The following SIRT7 variants were observed in gnomAD, a reference collection of about 807,000 sequenced individuals.
SIRT7 encodes sirtuin 7, also known as NAD-dependent protein deacetylase sirtuin-7.
A neutral mutation model predicts 42.8 loss-of-function variants in SIRT7; 32 were observed. That is an observed-to-expected ratio of 0.75 (90% CI 0.56 to 1.00). The LOEUF (loss-of-function observed/expected upper bound fraction) is 1.00. Among genes scored for constraint, SIRT7 ranks in the 50% least tolerant of loss-of-function variants. The probability of loss-of-function intolerance (pLI) is 0.00; values close to 1 mark genes in which losing one functional copy is unlikely to be tolerated. For missense variants in SIRT7, 553 were observed against 572.2 expected, an observed-to-expected ratio of 0.97 and a Z score of 0.34; for synonymous variants, 297 against 245.2, an observed-to-expected ratio of 1.21 and a Z score of -1.97.
At chr17:81,914,797 C>T in intron 5 of SIRT7, 95 bp from the exon 6 acceptor site, 4 of 1,001,290 alleles carry the variant, frequency 4.0e-6, no homozygotes, top group African/African-American at 1.6e-5. Flanking sequence ...TGAGCCCCGC[C>T]GATGGCTCCC....
intron 4 of SIRT7, 41 bp from the exon 5 acceptor site, chr17:81,915,553 C>G: frequency 6.2e-7 from 1 of 1,613,224 alleles, no homozygotes; most frequent in East Asian, 2.2e-5. Context: ...AGAGCTGGAG[C>G]TCAGGCCCGT....
rs750825922 is a variant in SIRT7, at chr17:81,918,161, C to T, written c.-30G>A. On this transcript the variant is annotated 5_prime_UTR_variant, in exon 1 of 10. Transcript: ENST00000328666. ...CCCCTGGAGACCTGCTCTTCCGCTT[C>T]CGCCTCACACGGCAGGCCGCGCTCA... is the stretch of plus-strand genomic sequence containing the variant. 2 of 1,532,712 alleles carry T rather than the reference C, an allele frequency of 1.3e-6. No homozygotes were observed. Among genetic ancestry groups the T allele is most frequent in the South Asian group, 2.4e-5 (2 of 83,880 alleles). 94.9% of individuals were successfully genotyped at this position (1,532,712 alleles called of 1,614,324 possible).
chr17:81,915,579 C>A (rs201014771), intron 4 of SIRT7, 32 bp downstream of exon 4: 1 of 1,613,428 alleles, frequency 6.2e-7, no homozygotes, highest in Non-Finnish European at 8.5e-7. Context: ...CGCTGCCCAG[C>A]CTATGTGGGA....
rs955429489 is a variant in SIRT7, at chr17:81,917,736, G to T, written c.232-17C>A. The T allele has an allele frequency of 3.2e-6, 5 of 1,550,698 alleles. No individual in the cohort carries two copies. The highest frequency in any genetic ancestry group is 1.4e-5 in the African/African-American group (1 of 71,088). ...GTCGCACACCTGCCAAGACGCCAGGGTGGTCACCGCCCCGGGCCGCCCCAC... is the reference window on the plus strand; with the variant it reads ...GTCGCACACCTGCCAAGACGCCAGGTTGGTCACCGCCCCGGGCCGCCCCAC... On this transcript the variant is annotated splice_polypyrimidine_tract_variant and intron_variant, in intron 2 of 9. Transcript: ENST00000328666.
rs1231575861 is a variant in SIRT7 at position 81,912,421 on chromosome 17, T to C, written c.1198A>G (p.Thr400Ala). The C allele has an allele frequency of 1.2e-6, 2 of 1,614,100 alleles. No individual in the cohort carries two copies. The highest frequency in any genetic ancestry group is 1.7e-6 in the Non-Finnish European group (2 of 1,180,020). ...CTKRTKRKKV[T>A] is the part of the protein sequence containing the mutation. The stretch of plus-strand genomic sequence containing the variant: ...GTTCTTCATCGAGCACGTGATTACG[T>C]CACTTTCTTCCTTTTTGTGCGTTTT... The change falls in exon 10 of 10, where the codon ACG (threonine) becomes GCG (alanine). Residue 400 changes from threonine to alanine, a missense_variant. Coordinates refer to ENST00000328666, the MANE Select transcript of SIRT7 (RefSeq NM_016538.3).
At chr17:81,916,640 T>C (rs1471834639) in intron 3 of SIRT7, 3 of 152,130 alleles carry the variant, frequency 2.0e-5, no homozygotes, top group African/African-American at 7.2e-5. Context: ...CTAATTTTTG[T>C]ATTTTTAGTA....
At chr17:81,915,019 G>A (rs904154802) in intron 5 of SIRT7, 1 of 503,274 alleles carries the variant, frequency 2.0e-6, no homozygotes, top group African/African-American at 1.9e-5. Context: ...CTCTGCCCCA[G>A]ATCCATGCTC....
intron 3 of SIRT7, chr17:81,916,448 T>A (rs2040799809): frequency 6.6e-6 from 1 of 151,020 alleles, no homozygotes; most frequent in African/African-American, 2.4e-5. Context: ...GTTACATAAT[T>A]ACATGACTGG....
In SIRT7 at chr17:81,914,733, G is replaced by T. The variant is rs777429246; in HGVS notation, c.481-31C>A. The T allele has an allele frequency of 3.8e-6, 6 of 1,576,852 alleles. No homozygotes were observed. In the South Asian group the frequency reaches 6.6e-5, roughly 17 times the overall value. On this transcript the variant is annotated intron_variant, in intron 5 of 9. Transcript: ENST00000328666. ...AGGCAGAACGGGTGGCAAGGGGAGG[G>T]ATGGCTGCCAGTGGTGGTGGGGAGG...
Position 81,914,082 on chromosome 17 carries a change from G to C in SIRT7, c.897+5C>G, listed in dbSNP as rs779610778. On this transcript the variant is annotated splice_donor_5th_base_variant and intron_variant, in intron 8 of 9. Transcript: ENST00000328666. ...TAAGGACGTGGCTCTCAGCACCCGA[G>C]TTACCTGCAGGTTCACGATGTAAAG... The C allele has an allele frequency of 3.1e-6, 5 of 1,613,294 alleles. No individual in the cohort carries two copies. The highest frequency in any genetic ancestry group is 3.4e-6 in the Non-Finnish European group (4 of 1,180,018).
intron 5 of SIRT7, 31 bp downstream of exon 5, chr17:81,915,409 G>A (rs1326220243): frequency 1.2e-6 from 2 of 1,602,954 alleles, no homozygotes; most frequent in Non-Finnish European, 1.7e-6. Flanking sequence ...CCTGGTCCCT[G>A]GCAAGTGTAC....
Position 81,912,569 on chromosome 17 carries a change from A to G in SIRT7, c.1050T>C (p.Gly350=). 1.2e-6 allele frequency: 2 copies of G among 1,613,610 alleles called. No homozygotes were observed. Among genetic ancestry groups the G allele is most frequent in the Non-Finnish European group, 1.7e-6 (2 of 1,180,002 alleles). The change falls in exon 10 of 10, where the codon GGT becomes GGC. Residue 350 remains glycine, a synonymous_variant. Coordinates refer to ENST00000328666, the MANE Select transcript of SIRT7 (RefSeq NM_016538.3). Reference sequence around the variant, plus strand: ...ACTTCCGACTGTGGCTGCCTTCTTCACCAGCACGCAGGGGAGTCGCCAGTG... The same window carrying G: ...ACTTCCGACTGTGGCTGCCTTCTTCGCCAGCACGCAGGGGAGTCGCCAGTG... The part of the protein sequence containing the change: ...IFSLATPLRA[G]EEGSHSRKSL...
intron 3 of SIRT7, 103 bp from the exon 4 acceptor site, chr17:81,915,784 G>A: frequency 7.6e-7 from 1 of 1,311,562 alleles, no homozygotes; most frequent in Non-Finnish European, 1.1e-6. Context: ...CCGCATTCCG[G>A]GCTGGCCTGC....
chr17:81,913,772 A>G lies in SIRT7; in HGVS notation c.1004+2T>C, dbSNP rs1237206852. ...AGCAGGCTGCTGCAGCGGCTCACTC[A>G]CCTGCTATAGGCGGGGATCTCCAAG... On this transcript the variant is annotated splice_donor_variant, in intron 9 of 9. Coordinates refer to ENST00000328666, the MANE Select transcript of SIRT7 (RefSeq NM_016538.3). LOFTEE classifies it high-confidence loss of function. This position sits in a 1 kb window ranked among gnomAD's most constrained non-coding sequence, Gnocchi z 5.0. 1.3e-5 allele frequency: 20 copies of G among 1,548,132 alleles called. No individual in the cohort carries two copies. Among genetic ancestry groups the G allele is most frequent in the Non-Finnish European group, 1.7e-5 (20 of 1,146,504 alleles).
At chr17:81,916,256 G>A (rs2040794937) in intron 3 of SIRT7, 1 of 154,364 alleles carries the variant, frequency 6.5e-6, no homozygotes, top group African/African-American at 2.4e-5. Flanking sequence ...CAGGATCAAG[G>A]TGTCTTGTGT....
At chr17:81,915,113 G>GT in intron 5 of SIRT7, 1 of 500,676 alleles carries the variant, frequency 2.0e-6, no homozygotes, top group Non-Finnish European at 3.7e-6. Context: ...TCAGCAGAAG[G>GT]TCCCCAGAGA....
At position 81,913,185 on chromosome 17, in the gene SIRT7, G is replaced by A. The variant is rs914749502; in HGVS notation, c.1005-571C>T. ...ACAGTACACGATAGCCCACATCACA[G>A]AACACCACACACATAACATACAAGA... is the stretch of plus-strand genomic sequence containing the variant. On this transcript the variant is annotated intron_variant, in intron 9 of 9. Transcript: ENST00000328666. The surrounding 1 kb of genome is among the most constrained non-coding windows in gnomAD (Gnocchi z 5.0). 1 of 434,944 alleles carries A rather than the reference G, an allele frequency of 2.3e-6. No homozygotes were observed. The highest frequency in any genetic ancestry group is 2.1e-5 in the African/African-American group (1 of 48,536). The allele number at this position is 434,944 out of a possible 1,614,324, so 26.9% of individuals were successfully genotyped here. A position where few individuals can be genotyped will look rare whatever the true frequency, so the allele number is the denominator to read the frequency against.
chr17:81,914,914 TC>T, intron 5 of SIRT7: 1 of 582,412 alleles, frequency 1.7e-6, no homozygotes. Context: ...GGGCTGTCCT[TC>T]CTCCAGCCCT....
Position 81,913,282 on chromosome 17 carries a change from C to T in SIRT7, c.1004+492G>A, listed in dbSNP as rs1248392075. 2 of 455,986 alleles carry T rather than the reference C, an allele frequency of 4.4e-6. No homozygotes were observed. The highest frequency in any genetic ancestry group is 4.0e-5 in the African/African-American group (2 of 50,026). 28.2% of individuals were successfully genotyped at this position (455,986 alleles called of 1,614,324 possible). A position where few individuals can be genotyped will look rare whatever the true frequency, so the allele number is the denominator to read the frequency against. ...TTGATTAAAAGAAGTTATTGATTTCCCCTATAAGACCCTGAAAATTCACAG... is the reference window on the plus strand; with the variant it reads ...TTGATTAAAAGAAGTTATTGATTTCTCCTATAAGACCCTGAAAATTCACAG... On this transcript the variant is annotated intron_variant, in intron 9 of 9. Coordinates refer to ENST00000328666, the MANE Select transcript of SIRT7 (RefSeq NM_016538.3). The surrounding 1 kb of genome is among the most constrained non-coding windows in gnomAD (Gnocchi z 5.0).
Sources: gnomAD v4.1 joint callset for allele counts on GRCh38, gnomAD v4.1.1 for gene constraint, Gnocchi (gnomAD v3.1) non-coding constraint, MANE v1.5 for transcripts, NCBI Gene and HGNC (gene_info 2026-07-23, HGNC 2026-07-21) for gene names.